The following CNTNAP2 variants were observed in gnomAD, a reference collection of about 807,000 sequenced individuals.
CNTNAP2 encodes the protein contactin associated protein 2.
In CNTNAP2, 98 loss-of-function variants were observed where a neutral mutation model predicts 155.2. That is an observed-to-expected ratio of 0.63 (90% CI 0.54 to 0.75). CNTNAP2 has a LOEUF of 0.75. Ranked by LOEUF, CNTNAP2 falls within the 30% of genes least tolerant of loss-of-function variation. The pLI is 0.00. For missense variants in CNTNAP2, 1,727 were observed against 1,688.1 expected (o/e 1.02, Z -0.40); for synonymous variants, 651 against 631.2 (o/e 1.03, Z -0.47).
chr7:148,277,363 C>T (rs112295989), intron 21 of CNTNAP2, among the ~76,000 whole-genome samples: 2,448 of 152,294 alleles, frequency 0.016, 21 homozygotes, highest in Non-Finnish European at 0.025. Context: ...TGCTTACTTG[C>T]TGTGCCCTCA....
chr7:146,841,934 A>G (rs79970445), intron 3 of CNTNAP2, among the ~76,000 whole-genome samples: 22,251 of 151,678 alleles, frequency 0.15, 1,822 homozygotes, highest in African/African-American at 0.23. Context: ...CCAGGCTGGA[A>G]TGCAGTGGTG....
At position 146,976,804 on chromosome 7, in the gene CNTNAP2, C is replaced by A. The variant is rs111244014; in HGVS notation, c.403-67103C>A. Among the ~76,000 whole-genome samples the A allele has an allele frequency of 2.1e-3, 322 of 152,260 alleles. 1 individual carries two copies. Among genetic ancestry groups the A allele is most frequent in the African/African-American group, 7.1e-3 (296 of 41,556 alleles). On this transcript the variant is annotated intron_variant, in intron 3 of 23. Transcript: ENST00000361727. ...TCATAGACTGGGTAGCGAAACCCGGCAAAGCCTGTCTGTTCTGTCTGCTCT... is the reference window on the plus strand; with the variant it reads ...TCATAGACTGGGTAGCGAAACCCGGAAAAGCCTGTCTGTTCTGTCTGCTCT...
intron 10 of CNTNAP2, among the ~76,000 whole-genome samples, chr7:147,474,520 T>C (rs886153203): frequency 2.6e-5 from 4 of 151,366 alleles, no homozygotes; most frequent in African/African-American, 9.7e-5. Flanking sequence ...GAGGTGGAGG[T>C]TGCAGTGAGC....
chr7:147,418,570 T>TA (rs1048559787), intron 10 of CNTNAP2, among the ~76,000 whole-genome samples: 1 of 152,142 alleles, frequency 6.6e-6, no homozygotes, highest in African/African-American at 2.4e-5. Flanking sequence ...TTCCCCAGAG[T>TA]AATGATAGTC....
At chr7:147,779,801 GA>G (rs1310042454) in intron 13 of CNTNAP2, among the ~76,000 whole-genome samples, 1 of 152,198 alleles carries the variant, frequency 6.6e-6, no homozygotes, top group Non-Finnish European at 1.5e-5. Context: ...GAGTTCACCA[GA>G]AGTCTACCTT....
intron 3 of CNTNAP2, among the ~76,000 whole-genome samples, chr7:146,942,458 G>A (rs1296462453): frequency 1.3e-5 from 2 of 152,054 alleles, no homozygotes; most frequent in African/African-American, 4.8e-5. Flanking sequence ...GAGGTACAAG[G>A]ACTATTACAA....
intron 1 of CNTNAP2, among the ~76,000 whole-genome samples, chr7:146,163,771 G>T (rs1798269630): frequency 6.6e-6 from 1 of 151,764 alleles, no homozygotes; most frequent in African/African-American, 2.4e-5. Flanking sequence ...TTTTAAGTGT[G>T]TTTGTAAGGA....
intron 10 of CNTNAP2, among the ~76,000 whole-genome samples, chr7:147,438,918 C>T (rs1251578702): frequency 1.3e-5 from 2 of 151,902 alleles, no homozygotes; most frequent in African/African-American, 2.4e-5. Flanking sequence ...CTTTGAATTT[C>T]TGTGGTATTA....
rs144627816 is a variant in CNTNAP2 at position 148,128,974 on chromosome 7, G to T, written c.2554+10686G>T. ...CCCCATCGTGGAGGGTACCTTCCTG[G>T]TACCAGGAAGGATCTTCCATTTGAA... is the stretch of plus-strand genomic sequence containing the variant. On this transcript the variant is annotated intron_variant, in intron 16 of 23. Transcript: ENST00000361727. 3.3e-5 allele frequency among the ~76,000 whole-genome samples: 5 copies of T among 151,850 alleles called. No individual in the cohort carries two copies. In the East Asian group the frequency reaches 7.7e-4, roughly 24 times the overall value.
At chr7:146,511,391 T>A (rs1414294136) in intron 1 of CNTNAP2, among the ~76,000 whole-genome samples, 1 of 152,190 alleles carries the variant, frequency 6.6e-6, no homozygotes, top group Non-Finnish European at 1.5e-5. Context: ...GGGTTTCAAT[T>A]TTTCTCCATT....
chr7:146,690,689 G>A (rs930324065), intron 1 of CNTNAP2, among the ~76,000 whole-genome samples: 6 of 152,070 alleles, frequency 3.9e-5, no homozygotes, highest in Non-Finnish European at 8.8e-5. Context: ...TGCAAACAAG[G>A]TAATATTTCC....
intron 21 of CNTNAP2, among the ~76,000 whole-genome samples, chr7:148,279,496 G>A (rs1267939675): frequency 2.0e-5 from 3 of 152,166 alleles, no homozygotes; most frequent in South Asian, 2.1e-4. Context: ...GAGGTACCCT[G>A]GGAGAGAAGT....
chr7:146,483,043 G>A (rs963138410), intron 1 of CNTNAP2, among the ~76,000 whole-genome samples: 7 of 151,200 alleles, frequency 4.6e-5, no homozygotes, highest in African/African-American at 1.2e-4. Context: ...TTGGGAGGCC[G>A]AGGCAGGCGG....
In CNTNAP2 at chr7:146,665,783, T is replaced by TAAAAAAACAAAAAAACAAAAAAAA. The variant is rs1554464843; in HGVS notation, c.98-108481_98-108480insCAAAAAAACAAAAAAAAAAAAAAA. Reference sequence around the variant, plus strand: ...GCTATGGAGTGAGACTCTGTCTCATTAAAAAAAAAAAAAAATACATTTTGT... The same window carrying TAAAAAAACAAAAAAACAAAAAAAA: ...GCTATGGAGTGAGACTCTGTCTCATTAAAAAAACAAAAAAACAAAAAAAAAAAAAAAAAAAAAAATACATTTTGT... On this transcript the variant is annotated intron_variant, in intron 1 of 23. Coordinates refer to ENST00000361727, the MANE Select transcript of CNTNAP2 (RefSeq NM_014141.6). 1.7e-3 allele frequency among the ~76,000 whole-genome samples: 80 copies of TAAAAAAACAAAAAAACAAAAAAAA among 48,304 alleles called. 6 individuals carry two copies. The highest frequency in any genetic ancestry group is 8.0e-3 in the African/African-American group (71 of 8,846). 31.7% of individuals were successfully genotyped at this position (48,304 alleles called of 152,430 possible). A position where few individuals can be genotyped will look rare whatever the true frequency, so the allele number is the denominator to read the frequency against.
intron 16 of CNTNAP2, among the ~76,000 whole-genome samples, chr7:148,140,421 C>CT (rs750371666): frequency 0.086 from 11,613 of 135,362 alleles, 600 homozygotes; most frequent in African/African-American, 0.12. Context: ...TTTTCTTTTT[C>CT]TTTTTTTTTT....
intron 11 of CNTNAP2, among the ~76,000 whole-genome samples, chr7:147,555,893 C>T (rs1297199584): frequency 1.3e-5 from 2 of 152,196 alleles, no homozygotes; most frequent in African/African-American, 4.8e-5. Flanking sequence ...CATGTTTCTC[C>T]CCCTACCCTA....
At chr7:147,333,971 T>A (rs1295813967) in intron 9 of CNTNAP2, among the ~76,000 whole-genome samples, 2 of 152,130 alleles carry the variant, frequency 1.3e-5, no homozygotes, top group Non-Finnish European at 2.9e-5. Context: ...CTTGGATCCA[T>A]GATGAGACAC....
chr7:148,176,770 G>A (rs1488276044), intron 18 of CNTNAP2, among the ~76,000 whole-genome samples: 1 of 152,160 alleles, frequency 6.6e-6, no homozygotes, highest in African/African-American at 2.4e-5. Flanking sequence ...CTCAGTGGAG[G>A]TAGGTCCCTT....
At chr7:147,301,743 T>C (rs1180392175) in intron 9 of CNTNAP2, among the ~76,000 whole-genome samples, 1 of 151,942 alleles carries the variant, frequency 6.6e-6, no homozygotes, top group Non-Finnish European at 1.5e-5. Flanking sequence ...TGGAATGTTG[T>C]AGATGAACAA....
Sources: gnomAD v4.1 joint callset for allele counts (sites outside exome capture counted in the v4.1 genomes callset) on GRCh38, gnomAD v4.1.1 for gene constraint, MANE v1.5 for transcripts, NCBI Gene and HGNC (gene_info 2026-07-23, HGNC 2026-07-21) for gene names.